Variants in PPP4R1 observed in about 807,000 individuals in gnomAD.
The protein encoded by PPP4R1 is protein phosphatase 4 regulatory subunit 1, also known as serine/threonine-protein phosphatase 4 regulatory subunit 1.
PPP4R1 carries 42 observed loss-of-function variants against 111.2 expected under a neutral mutation model. The observed-to-expected ratio is 0.38, with a 90% confidence interval of 0.29 to 0.49. The LOEUF (loss-of-function observed/expected upper bound fraction) is 0.49, where lower values mean the gene tolerates loss of function less well. PPP4R1 is among the 20% of genes least tolerant of loss of function. PPP4R1 has a pLI of 0.97. For missense variants in PPP4R1, 1,012 were observed against 1,161.6 expected, an observed-to-expected ratio of 0.87 and a Z score of 1.87; for synonymous variants, 409 against 405.5, an observed-to-expected ratio of 1.01 and a Z score of -0.10.
At chr18:9,613,072 T>G (rs2067610054) in intron 2 of PPP4R1, among the ~76,000 whole-genome samples, 1 of 152,210 alleles carries the variant, frequency 6.6e-6, no homozygotes, top group African/African-American at 2.4e-5. Context: ...ACTGCAGCCA[T>G]CTCTGAAATT....
chr18:9,579,517 C>CAT (rs34839776), intron 9 of PPP4R1, among the ~76,000 whole-genome samples: 2 of 147,770 alleles, frequency 1.4e-5, no homozygotes, highest in Non-Finnish European at 3.0e-5. Context: ...AGGATTTACA[C>CAT]GTGTGTGTGT....
At chr18:9,555,932 C>G (rs150645951) in intron 15 of PPP4R1, among the ~76,000 whole-genome samples, 122 of 151,236 alleles carry the variant, frequency 8.1e-4, no homozygotes, top group African/African-American at 2.8e-3. Flanking sequence ...ATCAGGAGAT[C>G]AAGACCATCC....
intron 5 of PPP4R1, 115 bp downstream of exon 5, chr18:9,588,594 TAA>T: frequency 1.8e-6 from 2 of 1,121,294 alleles, no homozygotes; most frequent in South Asian, 3.3e-5. Flanking sequence ...TTGTCTAAGA[TAA>T]ATATTCATTT....
chr18:9,564,188 C>T (rs2066723675), intron 11 of PPP4R1, among the ~76,000 whole-genome samples: 1 of 152,132 alleles, frequency 6.6e-6, no homozygotes, highest in Non-Finnish European at 1.5e-5. Flanking sequence ...TTGGGTTGCA[C>T]CTTACTTACA....
chr18:9,601,131 T>C (rs914780573), intron 2 of PPP4R1, among the ~76,000 whole-genome samples: 1 of 151,628 alleles, frequency 6.6e-6, no homozygotes, highest in African/African-American at 2.4e-5. Context: ...CACCTTTTAA[T>C]GTTATCTGAA....
In PPP4R1 at chr18:9,563,457, T is replaced by C; in HGVS notation, c.1667A>G (p.Asp556Gly). Residue 556 changes from aspartate to glycine, a missense_variant, in exon 12 of 20, where the codon GAT becomes GGT. Asp to Gly is a moderately conservative substitution (Grantham distance 94). Coordinates refer to ENST00000400556, the MANE Select transcript of PPP4R1 (RefSeq NM_001042388.3). ...ISIEKRSDLQ[D>G]ELDINELPNC... ...TGGTAGCTCATTTATATCCAGTTCATCTTGCAAATCACTTCTCTTTTCTAT... is the reference window on the plus strand; with the variant it reads ...TGGTAGCTCATTTATATCCAGTTCACCTTGCAAATCACTTCTCTTTTCTAT... 3 of 1,608,992 alleles carry C rather than the reference T, an allele frequency of 1.9e-6. No homozygotes were observed. Among genetic ancestry groups the C allele is most frequent in the Non-Finnish European group, 2.6e-6 (3 of 1,175,642 alleles).
upstream of PPP4R1, among the ~76,000 whole-genome samples, chr18:9,616,252 C>CTTTT (rs35547777): frequency 1.0e-4 from 15 of 146,714 alleles, no homozygotes; most frequent in South Asian, 2.2e-4. Flanking sequence ...CAAATCAGCT[C>CTTTT]TTTTTTTTTT....
chr18:9,573,147 G>A (rs2066886750), intron 10 of PPP4R1, among the ~76,000 whole-genome samples: 1 of 152,076 alleles, frequency 6.6e-6, no homozygotes, highest in South Asian at 2.1e-4. Flanking sequence ...TTCCCATTTT[G>A]TCCATATTAA....
rs1442006620 is a variant in PPP4R1, at chr18:9,570,526, G to A, written c.1204C>T (p.Leu402=). 2 of 1,614,180 alleles carry A rather than the reference G, an allele frequency of 1.2e-6. No individual in the cohort carries two copies. Among genetic ancestry groups the A allele is most frequent in the Non-Finnish European group, 1.7e-6 (2 of 1,180,040 alleles). The change falls in exon 11 of 20, where the codon CTG becomes TTG. Residue 402 remains leucine, a synonymous_variant. Coordinates refer to ENST00000400556, the MANE Select transcript of PPP4R1 (RefSeq NM_001042388.3). ...AAAGTACAAAGTAAAGAGCTGTCCA[G>A]TGGAACACTAATTTCACCTAGAGGC... The part of the protein sequence containing the change: ...GKPLGEISVP[L]DSSLLCTLSS...
chr18:9,603,649 G>C (rs2067429923), intron 2 of PPP4R1, among the ~76,000 whole-genome samples: 2 of 146,402 alleles, frequency 1.4e-5, no homozygotes, highest in Admixed American at 6.7e-5. Context: ...ACCATGCCCA[G>C]GTAATTTTCT....
chr18:9,617,032 T>C (rs2067694242), upstream of PPP4R1: 1 of 152,246 alleles, frequency 6.6e-6, no homozygotes, highest in Non-Finnish European at 1.5e-5. Flanking sequence ...GAAAGGAGTT[T>C]TTAAACCAGT....
In PPP4R1 at chr18:9,614,085, A is replaced by G. The variant is rs1304830524; in HGVS notation, c.52+141T>C. The G allele has an allele frequency of 6.6e-6, 4 of 608,480 alleles. No individual in the cohort carries two copies. The highest frequency in any genetic ancestry group is 8.9e-6 in the Non-Finnish European group (4 of 448,428). The allele number at this position is 608,480 out of a possible 1,614,324, so 37.7% of individuals were successfully genotyped here. On this transcript the variant is annotated intron_variant, in intron 2 of 19. Transcript: ENST00000400556. The surrounding 1 kb of genome is among the most constrained non-coding windows in gnomAD (Gnocchi z 4.1). The stretch of plus-strand genomic sequence containing the variant: ...CACGGACGCGAGATTTTCCCCCCCG[A>G]TCGCCACCCCAGCCCGCCTGGGGCC...
At position 9,611,871 on chromosome 18, in the gene PPP4R1, C is replaced by T. The variant is rs562568299; in HGVS notation, c.52+2355G>A. Among the ~76,000 whole-genome samples, 7 of 152,170 alleles carry T rather than the reference C, an allele frequency of 4.6e-5. No individual in the cohort carries two copies. In the South Asian group the frequency reaches 1.2e-3, roughly 27 times the overall value. ...TACTAAAAGTACAAAATTAGCCAGG[C>T]GTGGTGGCACACGCCTGTAATCCCA... On this transcript the variant is annotated intron_variant, in intron 2 of 19. Coordinates refer to ENST00000400556, the MANE Select transcript of PPP4R1 (RefSeq NM_001042388.3).
chr18:9,613,856 G>T (rs1034365471), intron 2 of PPP4R1: 1 of 161,556 alleles, frequency 6.2e-6, no homozygotes, highest in Non-Finnish European at 1.3e-5. Flanking sequence ...GAGTGACGGG[G>T]GAAGGGGACA....
chr18:9,582,076 A>C (rs2067038493), intron 9 of PPP4R1, among the ~76,000 whole-genome samples: 3 of 152,156 alleles, frequency 2.0e-5, no homozygotes, highest in Admixed American at 2.0e-4. Context: ...CATTTACCCC[A>C]GATGATAATT....
chr18:9,606,297 C>A (rs1419879434), intron 2 of PPP4R1, among the ~76,000 whole-genome samples: 2 of 152,166 alleles, frequency 1.3e-5, no homozygotes, highest in African/African-American at 4.8e-5. Context: ...AACTGGCCCA[C>A]CTTCTGTTTT....
At chr18:9,580,273 G>C (rs1045089993) in intron 9 of PPP4R1, among the ~76,000 whole-genome samples, 14 of 151,608 alleles carry the variant, frequency 9.2e-5, no homozygotes, top group Admixed American at 8.5e-4. Flanking sequence ...GGCCCTAGGA[G>C]CAAGCAGCAA....
chr18:9,569,062 G>A (rs1470001151), intron 11 of PPP4R1, among the ~76,000 whole-genome samples: 2 of 151,894 alleles, frequency 1.3e-5, no homozygotes, highest in Non-Finnish European at 2.9e-5. Flanking sequence ...TGGGTGCAGT[G>A]GCACATGCCT....
intron 16 of PPP4R1, chr18:9,551,828 C>G (rs1366009006): frequency 6.6e-6 from 1 of 152,244 alleles, no homozygotes; most frequent in Non-Finnish European, 1.5e-5. Flanking sequence ...CCGCTAAACG[C>G]CGGGTGGAAT....
Sources: allele counts gnomAD v4.1 joint callset (sites outside exome capture counted in the v4.1 genomes callset), GRCh38; gene constraint gnomAD v4.1.1; non-coding constraint Gnocchi (gnomAD v3.1); transcripts MANE v1.5; gene names NCBI Gene and HGNC (gene_info 2026-07-23, HGNC 2026-07-21).